The following MYL6 variants were observed in gnomAD, a reference collection of about 807,000 sequenced individuals.
MYL6 encodes myosin light chain 6.
MYL6 carries 20 observed loss-of-function variants against 20.3 expected under a neutral mutation model. The observed-to-expected ratio is 0.98, with a 90% CI of 0.69 to 1.43. MYL6 has a LOEUF of 1.43. Ranked by LOEUF, MYL6 falls within the 40% of genes most tolerant of loss-of-function variation. The pLI is 0.00. For synonymous variants in MYL6, 77 were observed against 72.4 expected (o/e 1.06, Z -0.32); for missense variants, 164 against 191.0 (o/e 0.86, Z 0.83).
intron 2 of MYL6, chr12:56,159,337 C>T: frequency 2.1e-6 from 1 of 467,158 alleles, no homozygotes; most frequent in Non-Finnish European, 3.8e-6. Flanking sequence ...TGGAGATTGG[C>T]AGGCCTGCCG....
chr12:56,160,435 G>A (rs1478392428), intron 5 of MYL6, 115 bp downstream of exon 5: 8 of 1,508,134 alleles, frequency 5.3e-6, no homozygotes, highest in Non-Finnish European at 5.5e-6. Context: ...CAGGAGGCAA[G>A]GTGCAGGGCC....
chr12:56,161,297 T>C (rs1205016906), intron 6 of MYL6, 90 bp from the exon 7 acceptor site: 8 of 1,512,366 alleles, frequency 5.3e-6, no homozygotes, highest in East Asian at 4.5e-5. Context: ...TTCCCGCTTA[T>C]GCTACCTTTG....
chr12:56,159,143 CAG>C lies in MYL6; in HGVS notation c.31+433_31+434del, dbSNP rs1200714570. 3.8e-5 allele frequency: 12 copies of C among 315,438 alleles called. No homozygotes were observed. In the Admixed American group the frequency reaches 4.3e-4, roughly 11 times the overall value. 19.5% of individuals were successfully genotyped at this position (315,438 alleles called of 1,614,324 possible). A position where few individuals can be genotyped will look rare whatever the true frequency, so the allele number is the denominator to read the frequency against. On this transcript the variant is annotated intron_variant, in intron 2 of 6. Transcript: ENST00000550697. Reference sequence around the variant, plus strand: ...ATATTCTGTGCAGATGGGGACAAGACAGGGGAGTTTGCTAAGGATATGACTGT... The same window carrying C: ...ATATTCTGTGCAGATGGGGACAAGACGGGAGTTTGCTAAGGATATGACTGT...
At chr12:56,159,775 C>T (rs1023987263) in intron 3 of MYL6, 45 bp downstream of exon 3, 1 of 1,589,456 alleles carries the variant, frequency 6.3e-7, no homozygotes, top group South Asian at 1.1e-5. Flanking sequence ...CATGGGCCCA[C>T]AGTTCTTCAG....
intron 2 of MYL6, chr12:56,159,316 A>AGTAGCAGC (rs1871552707): frequency 4.7e-6 from 2 of 426,356 alleles, no homozygotes; most frequent in East Asian, 8.6e-5. Context: ...TGAGAAGTGT[A>AGTAGCAGC]GTAGCAGCAG....
chr12:56,158,511 A>C (rs777462436), intron 1 of MYL6, 107 bp downstream of exon 1: 1 of 1,598,828 alleles, frequency 6.3e-7, no homozygotes, highest in Non-Finnish European at 8.5e-7. Flanking sequence ...GAATCTGAGG[A>C]CCCGAAAGGT....
intron 1 of MYL6, 41 bp from the exon 2 acceptor site, chr12:56,158,643 T>C (rs771475357): frequency 1.2e-5 from 20 of 1,613,954 alleles, no homozygotes; most frequent in East Asian, 2.2e-5. Context: ...ACTCGGGGGA[T>C]TGGCGTTCAG....
intron 2 of MYL6, chr12:56,159,347 G>A (rs41291991): frequency 4.5e-4 from 218 of 487,068 alleles, no homozygotes; most frequent in South Asian, 6.8e-4. Flanking sequence ...CAGGCCTGCC[G>A]CAGGCAGAGG....
At position 56,161,040 on chromosome 12, in the gene MYL6, C is replaced by T; in HGVS notation, c.*17-347C>T. 3 of 567,176 alleles carry T rather than the reference C, an allele frequency of 5.3e-6. No homozygotes were observed. In the South Asian group the frequency reaches 6.4e-5, roughly 12 times the overall value. The allele number at this position is 567,176 out of a possible 1,614,324, so 35.1% of individuals were successfully genotyped here. ...ATTCTGCTGCTATAGCTGAACAGTC[C>T]TTTCCCCTTCCCTCGCTGGGCAGCT... On this transcript the variant is annotated intron_variant, in intron 6 of 6. Coordinates refer to ENST00000550697, the MANE Select transcript of MYL6 (RefSeq NM_021019.5).
chr12:56,160,639 TATCCTGTCGGGGTGACGGGCCC>T lies in MYL6; in HGVS notation c.444_*9del, dbSNP rs1335405311. ...TCCTTCCTGCAGCGTTTGTGAGGCA[TATCCTGTCGGGGTGACGGGCCC>T]ATGGGGCGGGTACGGCTCCTCCCAG... is the stretch of plus-strand genomic sequence containing the variant. On this transcript the variant is annotated stop_lost and 3_prime_UTR_variant, in exon 6 of 7. Transcript: ENST00000550697. 2 of 1,614,108 alleles carry T rather than the reference TATCCTGTCGGGGTGACGGGCCC, an allele frequency of 1.2e-6. No individual in the cohort carries two copies. The highest frequency in any genetic ancestry group is 2.2e-5 in the East Asian group (1 of 44,904).
At chr12:56,158,431 C>A in intron 1 of MYL6, 27 bp downstream of exon 1, 1 of 1,538,530 alleles carries the variant, frequency 6.5e-7, no homozygotes, top group Non-Finnish European at 8.7e-7. Flanking sequence ...GGGAGACGGG[C>A]AGGATTGGGG....
Position 56,158,729 on chromosome 12 carries a change from C to T in MYL6, c.31+18C>T, listed in dbSNP as rs779688376. On this transcript the variant is annotated intron_variant, in intron 2 of 6. Coordinates refer to ENST00000550697, the MANE Select transcript of MYL6 (RefSeq NM_021019.5). ...GACCGCAGGTAGGTTATCTCTGATCCCTACCGAGGTCACCCTTAGGGAGAG... is the reference window on the plus strand; with the variant it reads ...GACCGCAGGTAGGTTATCTCTGATCTCTACCGAGGTCACCCTTAGGGAGAG... 3.1e-6 allele frequency: 5 copies of T among 1,613,666 alleles called. No homozygotes were observed. The South Asian group carries it at 5.5e-5, about 18-fold the overall frequency.
intron 6 of MYL6, 151 bp from the exon 7 acceptor site, chr12:56,161,236 T>G (rs1450627353): frequency 2.4e-6 from 2 of 846,194 alleles, no homozygotes; most frequent in Admixed American, 1.8e-5. Flanking sequence ...CTGGTCAGAC[T>G]CAAGGTGGCT....
In MYL6 at chr12:56,160,659, C is replaced by T; in HGVS notation, c.*5C>T. 1 of 1,614,106 alleles carries T rather than the reference C, an allele frequency of 6.2e-7. No individual in the cohort carries two copies. Among genetic ancestry groups the T allele is most frequent in the Non-Finnish European group, 8.5e-7 (1 of 1,179,982 alleles). ...AGGCATATCCTGTCGGGGTGACGGG[C>T]CCATGGGGCGGGTACGGCTCCTCCC... is the stretch of plus-strand genomic sequence containing the variant. On this transcript the variant is annotated 3_prime_UTR_variant, in exon 6 of 7. Transcript: ENST00000550697.
chr12:56,160,233 C>A lies in MYL6; in HGVS notation c.350-10C>A. 1.2e-6 allele frequency: 2 copies of A among 1,614,064 alleles called. No homozygotes were observed. Among genetic ancestry groups the A allele is most frequent in the African/African-American group, 1.3e-5 (1 of 75,042 alleles). On this transcript the variant is annotated splice_polypyrimidine_tract_variant and intron_variant, in intron 4 of 6. Coordinates refer to ENST00000550697, the MANE Select transcript of MYL6 (RefSeq NM_021019.5). ...ACCCAATTCCAAAAATGCTTTCTTT[C>A]CCCCTGCAGGTGAGAAGATGACAGA... is the stretch of plus-strand genomic sequence containing the variant.
Position 56,160,017 on chromosome 12 carries a change from T to C in MYL6, c.218T>C (p.Met73Thr), listed in dbSNP as rs1366087363. Residue 73 changes from methionine (M) to threonine (T), a missense_variant, in exon 4 of 7, where the codon ATG becomes ACG. Met to Thr is a moderately conservative substitution (Grantham distance 81). Transcript: ENST00000550697. ...CTGGACTTTGAGCACTTTCTGCCCA[T>C]GCTGCAGACAGTGGCCAAGAACAAG... ...KVLDFEHFLP[M>T]LQTVAKNKDQ... The C allele has an allele frequency of 6.2e-7, 1 of 1,613,994 alleles. No homozygotes were observed. The highest frequency in any genetic ancestry group is 8.5e-7 in the Non-Finnish European group (1 of 1,180,016).
Position 56,159,571 on chromosome 12 carries a change from TC to T in MYL6, c.32-15del, listed in dbSNP as rs754229691. On this transcript the variant is annotated splice_polypyrimidine_tract_variant and intron_variant, in intron 2 of 6. Transcript: ENST00000550697. The stretch of plus-strand genomic sequence containing the variant: ...TAACCCTCAAATCCTGTGTTGACAT[TC>T]ATCTGAATCCTCAGAGTTCAAGGAG... 1 of 1,611,394 alleles carries T rather than the reference TC, an allele frequency of 6.2e-7. No individual in the cohort carries two copies. Among genetic ancestry groups the T allele is most frequent in the Admixed American group, 1.7e-5 (1 of 59,844 alleles).
chr12:56,161,054 C>T (rs1246277869), intron 6 of MYL6: 3 of 567,418 alleles, frequency 5.3e-6, no homozygotes, highest in East Asian at 3.0e-5. Flanking sequence ...CCCCTTCCCT[C>T]GCTGGGCAGC....
In MYL6 at chr12:56,158,366, C is replaced by T; in HGVS notation, c.-36C>T. The stretch of plus-strand genomic sequence containing the variant: ...GTTGGGCCGAGAGTCGGAGCCATTA[C>T]TGCAGGAAAAGGTCCCGGAGAGCTG... On this transcript the variant is annotated 5_prime_UTR_variant, in exon 1 of 7. Coordinates refer to ENST00000550697, the MANE Select transcript of MYL6 (RefSeq NM_021019.5). The T allele has an allele frequency of 6.6e-7, 1 of 1,516,976 alleles. No homozygotes were observed. Among genetic ancestry groups the T allele is most frequent in the Non-Finnish European group, 8.8e-7 (1 of 1,135,436 alleles). The allele number at this position is 1,516,976 out of a possible 1,614,324, so 94.0% of individuals were successfully genotyped here. A position where few individuals can be genotyped will look rare whatever the true frequency, so the allele number is the denominator to read the frequency against.
Sources: allele counts gnomAD v4.1 joint callset, GRCh38; gene constraint gnomAD v4.1.1; transcripts MANE v1.5; gene names NCBI Gene and HGNC (gene_info 2026-07-23, HGNC 2026-07-21).